The following NCAM1 variants were observed in gnomAD, a reference collection of about 807,000 sequenced individuals.
The protein encoded by NCAM1 is antigen recognized by monoclonal antibody 5.1H11.
In NCAM1, 14 loss-of-function variants were observed where a neutral mutation model predicts 109.8. That is an observed-to-expected ratio of 0.13 (90% CI 0.08 to 0.20). The LOEUF (loss-of-function observed/expected upper bound fraction) is 0.20, where lower values mean the gene tolerates loss of function less well. Among genes scored for constraint, NCAM1 ranks in the 10% least tolerant of loss-of-function variants. NCAM1 has a pLI of 1.00. For synonymous variants in NCAM1, 418 were observed against 442.9 expected (o/e 0.94, Z 0.70); for missense variants, 774 against 1,109.9 (o/e 0.70, Z 4.30).
chr11:113,100,409 G>A (rs552884049), intron 1 of NCAM1, among the ~76,000 whole-genome samples: 116 of 152,248 alleles, frequency 7.6e-4, no homozygotes, highest in Non-Finnish European at 1.2e-3. Flanking sequence ...TCAGTAGAGG[G>A]TCAGGATGAC....
At chr11:113,212,651 A>T (rs576812223) in intron 7 of NCAM1, among the ~76,000 whole-genome samples, 122 of 152,220 alleles carry the variant, frequency 8.0e-4, no homozygotes, top group African/African-American at 2.0e-3. Context: ...CATTTTTTTT[A>T]AATTTTTTAT....
intron 1 of NCAM1, among the ~76,000 whole-genome samples, chr11:113,035,896 T>C (rs1555079113): frequency 6.6e-6 from 1 of 151,814 alleles, no homozygotes; most frequent in African/African-American, 2.4e-5. Context: ...GGCTGGGAGG[T>C]CCTGAATAAA....
At chr11:113,250,527 A>G (rs373576428) in intron 15 of NCAM1, among the ~76,000 whole-genome samples, 119 of 152,360 alleles carry the variant, frequency 7.8e-4, no homozygotes, top group African/African-American at 2.8e-3. Flanking sequence ...TACATTTTGG[A>G]CTTTTCAAAA....
At chr11:113,198,115 G>A (rs1051140762) in intron 1 of NCAM1, among the ~76,000 whole-genome samples, 8 of 152,182 alleles carry the variant, frequency 5.3e-5, no homozygotes, top group Non-Finnish European at 1.2e-4. Flanking sequence ...GAGGTGGGGA[G>A]AGGGAGATTG....
intron 1 of NCAM1, among the ~76,000 whole-genome samples, chr11:113,178,048 G>A (rs1400738407): frequency 1.3e-5 from 2 of 152,170 alleles, no homozygotes; most frequent in Non-Finnish European, 2.9e-5. Context: ...CTTAAAGACT[G>A]TGTGGGATTT....
chr11:113,007,649 G>A (rs1951923751), intron 1 of NCAM1, among the ~76,000 whole-genome samples: 1 of 152,190 alleles, frequency 6.6e-6, no homozygotes, highest in Non-Finnish European at 1.5e-5. Context: ...GCCACACAGT[G>A]GTTGTGATAT....
intron 1 of NCAM1, among the ~76,000 whole-genome samples, chr11:112,987,090 T>C (rs1951327710): frequency 6.6e-6 from 1 of 152,170 alleles, no homozygotes. Flanking sequence ...TGGTAAGTTG[T>C]GTTTTCGTTT....
At chr11:113,053,783 G>T (rs1183566207) in intron 1 of NCAM1, among the ~76,000 whole-genome samples, 6 of 152,162 alleles carry the variant, frequency 3.9e-5, no homozygotes, top group African/African-American at 1.4e-4. Flanking sequence ...TTGCCCATCC[G>T]CATACCACGA....
intron 9 of NCAM1, 125 bp downstream of exon 9, chr11:113,221,450 G>A (rs1944692057): frequency 2.0e-6 from 2 of 1,000,260 alleles, no homozygotes; most frequent in South Asian, 1.5e-5. Context: ...TAGGTCGATA[G>A]TGGTAGACAT....
chr11:113,099,927 T>A (rs1267534491), intron 1 of NCAM1, among the ~76,000 whole-genome samples: 1 of 152,182 alleles, frequency 6.6e-6, no homozygotes, highest in Non-Finnish European at 1.5e-5. Context: ...GACCTCGTGA[T>A]CTGCCCGCCT....
At position 112,963,907 on chromosome 11, in the gene NCAM1, C is replaced by A. The variant is rs1039853072; in HGVS notation, c.52+2243C>A. Among the ~76,000 whole-genome samples, 7 of 151,942 alleles carry A rather than the reference C, an allele frequency of 4.6e-5. No individual in the cohort carries two copies. The highest frequency in any genetic ancestry group is 2.1e-4 in the South Asian group (1 of 4,806). ...GAATGAAAGCGACCTCTTTCCTGGC[C>A]CGGTACCTTGAGGATGGGAAGAAGG... On this transcript the variant is annotated intron_variant, in intron 1 of 19. Coordinates refer to ENST00000316851, the MANE Select transcript of NCAM1 (RefSeq NM_181351.5). The surrounding 1 kb of genome is among the most constrained non-coding windows in gnomAD (Gnocchi z 4.6).
chr11:113,041,191 T>G (rs782780049), intron 1 of NCAM1: 2 of 152,210 alleles, frequency 1.3e-5, no homozygotes, highest in Non-Finnish European at 2.9e-5. Context: ...AAAATAGATA[T>G]GTGCAGGATT....
At chr11:113,244,884 C>A (rs1290237334) in intron 14 of NCAM1, among the ~76,000 whole-genome samples, 1 of 152,164 alleles carries the variant, frequency 6.6e-6, no homozygotes, top group Non-Finnish European at 1.5e-5. Context: ...TAAAGCATTT[C>A]TCTCAGGTTA....
At chr11:112,973,185 T>A (rs149284646) in intron 1 of NCAM1, among the ~76,000 whole-genome samples, 108 of 152,270 alleles carry the variant, frequency 7.1e-4, no homozygotes, top group African/African-American at 2.5e-3. Context: ...TGTCACAAAT[T>A]GGATGTGCTG....
At chr11:112,969,254 G>C (rs943189406) in intron 1 of NCAM1, among the ~76,000 whole-genome samples, 2 of 151,768 alleles carry the variant, frequency 1.3e-5, no homozygotes, top group Non-Finnish European at 2.9e-5. Flanking sequence ...CAGAGATAAG[G>C]AGAAAAAAAA....
chr11:113,180,709 C>T (rs1321273387), intron 1 of NCAM1, among the ~76,000 whole-genome samples: 2 of 152,200 alleles, frequency 1.3e-5, no homozygotes, highest in Admixed American at 6.5e-5. Flanking sequence ...GGCCTCACTG[C>T]GTTATTGGGG....
chr11:113,149,226 T>A (rs1190718825), intron 1 of NCAM1, among the ~76,000 whole-genome samples: 4 of 152,150 alleles, frequency 2.6e-5, no homozygotes. Flanking sequence ...AGGGTGCACA[T>A]TCCCACAGCA....
intron 1 of NCAM1, among the ~76,000 whole-genome samples, chr11:113,171,275 A>G (rs951998831): frequency 3.9e-5 from 6 of 152,326 alleles, no homozygotes; most frequent in African/African-American, 1.4e-4. Flanking sequence ...TCTCTGATCT[A>G]TTCCCCCATA....
At chr11:113,055,619 A>G (rs1953669463) in intron 1 of NCAM1, among the ~76,000 whole-genome samples, 3 of 152,150 alleles carry the variant, frequency 2.0e-5, no homozygotes, top group African/African-American at 7.2e-5. Flanking sequence ...ACCTACTCCA[A>G]GATGGCCCCT....
Sources: gnomAD v4.1 joint callset for allele counts (sites outside exome capture counted in the v4.1 genomes callset) on GRCh38, gnomAD v4.1.1 for gene constraint, Gnocchi (gnomAD v3.1) non-coding constraint, MANE v1.5 for transcripts, NCBI Gene and HGNC (gene_info 2026-07-23, HGNC 2026-07-21) for gene names.